Variants in DSCAM observed in about 807,000 individuals in gnomAD.
The protein encoded by DSCAM is DS cell adhesion molecule.
Under a neutral mutation model 217.7 loss-of-function variants are expected in DSCAM, and 47 were observed. The observed-to-expected ratio is 0.22, with a 90% CI of 0.17 to 0.28. The LOEUF (loss-of-function observed/expected upper bound fraction) is 0.28. DSCAM is among the 10% of genes least tolerant of loss of function. DSCAM has a pLI of 1.00. For synonymous variants in DSCAM, 1,056 were observed against 1,015.3 expected, an observed-to-expected ratio of 1.04 and a Z score of -0.76; for missense variants, 2,080 against 2,618.3, an observed-to-expected ratio of 0.79 and a Z score of 4.49.
In DSCAM at chr21:40,601,410, T is replaced by G. The variant is rs998225873; in HGVS notation, c.508+91400A>C. On this transcript the variant is annotated intron_variant, in intron 3 of 32. Coordinates refer to ENST00000400454, the MANE Select transcript of DSCAM (RefSeq NM_001389.5). ...TACTTATTAATTCCAGAAATTTTTT[T>G]GTTAACTGTTTCAGATTTTCAAATA... is the stretch of plus-strand genomic sequence containing the variant. Among the ~76,000 whole-genome samples the G allele has an allele frequency of 4.6e-5, 7 of 152,214 alleles. No homozygotes were observed. In the South Asian group the frequency reaches 1.4e-3, roughly 31 times the overall value.
At chr21:40,095,167 G>C (rs1056775458) in intron 20 of DSCAM, among the ~76,000 whole-genome samples, 1 of 152,212 alleles carries the variant, frequency 6.6e-6, no homozygotes, top group Non-Finnish European at 1.5e-5. Flanking sequence ...AGCAAAAGGG[G>C]TTCCCCCTTG....
intron 3 of DSCAM, among the ~76,000 whole-genome samples, chr21:40,664,468 G>A (rs2090177412): frequency 6.6e-6 from 1 of 152,174 alleles, no homozygotes; most frequent in African/African-American, 2.4e-5. Flanking sequence ...GAAAGAGGAG[G>A]CCCCTGCTCC....
chr21:40,316,401 T>C lies in DSCAM; in HGVS notation c.1784-4042A>G, dbSNP rs147346527. Among the ~76,000 whole-genome samples the C allele has an allele frequency of 9.2e-5, 14 of 152,328 alleles. No individual in the cohort carries two copies. In the South Asian group the frequency reaches 1.0e-3, roughly 11 times the overall value. Reference sequence around the variant, plus strand: ...GAGTTGCAAGTCTGCTGCATACAAATGCATAAAATTTTTAAAGCGTCTTAA... The same window carrying C: ...GAGTTGCAAGTCTGCTGCATACAAACGCATAAAATTTTTAAAGCGTCTTAA... On this transcript the variant is annotated intron_variant, in intron 8 of 32. Transcript: ENST00000400454.
chr21:40,420,749 G>A lies in DSCAM; in HGVS notation c.509-51504C>T, dbSNP rs537861977. Reference sequence around the variant, plus strand: ...ACAAACGGACATACAAGAATGCCATGTGACCCTGAAGGCAGATATCAGATG... The same window carrying A: ...ACAAACGGACATACAAGAATGCCATATGACCCTGAAGGCAGATATCAGATG... On this transcript the variant is annotated intron_variant, in intron 3 of 32. Coordinates refer to ENST00000400454, the MANE Select transcript of DSCAM (RefSeq NM_001389.5). Among the ~76,000 whole-genome samples, 4 of 152,304 alleles carry A rather than the reference G, an allele frequency of 2.6e-5. No homozygotes were observed. The South Asian group carries it at 8.3e-4, about 32-fold the overall frequency.
chr21:40,498,779 G>GTATATATATATA (rs777600814), intron 3 of DSCAM, among the ~76,000 whole-genome samples: 2 of 70,126 alleles, frequency 2.9e-5, no homozygotes, highest in Non-Finnish European at 5.7e-5. Flanking sequence ...ATATATGGGT[G>GTATATATATATA]TGTATATATA....
At chr21:40,491,132 ATTAAT>A (rs2076073140) in intron 3 of DSCAM, among the ~76,000 whole-genome samples, 1 of 152,206 alleles carries the variant, frequency 6.6e-6, no homozygotes, top group Non-Finnish European at 1.5e-5. Flanking sequence ...AGAGTCTAAA[ATTAAT>A]TTAATTACGA....
intron 16 of DSCAM, among the ~76,000 whole-genome samples, chr21:40,155,066 A>G (rs988093448): frequency 1.3e-5 from 2 of 152,220 alleles, no homozygotes; most frequent in East Asian, 1.9e-4. Context: ...CGCTTTATTC[A>G]TCCAGCCAAC....
chr21:40,256,251 C>T (rs1358669603), intron 11 of DSCAM, among the ~76,000 whole-genome samples: 1 of 152,070 alleles, frequency 6.6e-6, no homozygotes, highest in East Asian at 1.9e-4. Context: ...TGTCATTTTG[C>T]TGAGGGAGGT....
chr21:40,264,457 A>T (rs1473433685), intron 11 of DSCAM, among the ~76,000 whole-genome samples: 1 of 152,194 alleles, frequency 6.6e-6, no homozygotes, highest in Non-Finnish European at 1.5e-5. Flanking sequence ...AACAAAAACC[A>T]TATGATCATC....
intron 3 of DSCAM, among the ~76,000 whole-genome samples, chr21:40,619,058 TATAAA>T (rs1281039268): frequency 2.0e-5 from 3 of 151,988 alleles, no homozygotes; most frequent in Non-Finnish European, 2.9e-5. Flanking sequence ...AAAGCTCAAA[TATAAA>T]GATAAGCAAT....
intron 2 of DSCAM, among the ~76,000 whole-genome samples, chr21:40,706,153 C>T (rs984688526): frequency 2.8e-5 from 4 of 145,170 alleles, no homozygotes; most frequent in African/African-American, 1.0e-4. Context: ...GCACTCCAGC[C>T]TGGGAAACAG....
intron 11 of DSCAM, among the ~76,000 whole-genome samples, chr21:40,233,529 G>A (rs1346631824): frequency 6.6e-6 from 1 of 152,092 alleles, no homozygotes; most frequent in Non-Finnish European, 1.5e-5. Flanking sequence ...TATTGCACAA[G>A]TGGAAACACA....
At chr21:40,323,022 G>A (rs2074277243) in intron 8 of DSCAM, among the ~76,000 whole-genome samples, 1 of 152,082 alleles carries the variant, frequency 6.6e-6, no homozygotes, top group African/African-American at 2.4e-5. Context: ...AGCTGCAGAG[G>A]CCCACTTCAC....
At chr21:40,123,184 G>A (rs1344337576) in intron 20 of DSCAM, among the ~76,000 whole-genome samples, 2 of 152,098 alleles carry the variant, frequency 1.3e-5, no homozygotes, top group African/African-American at 2.4e-5. Flanking sequence ...ACAGAGTTTC[G>A]GTTTTGTAGA....
intron 3 of DSCAM, among the ~76,000 whole-genome samples, chr21:40,529,712 AG>A (rs1210020643): frequency 1.3e-5 from 2 of 152,218 alleles, no homozygotes; most frequent in Non-Finnish European, 2.9e-5. Context: ...TGAGTTTGGA[AG>A]AATGTACATA....
intron 3 of DSCAM, among the ~76,000 whole-genome samples, chr21:40,658,617 C>T (rs139352423): frequency 4.3e-4 from 66 of 152,264 alleles, no homozygotes; most frequent in African/African-American, 1.5e-3. Flanking sequence ...CATTTGCATA[C>T]GACTTACAAG....
chr21:40,712,788 C>T (rs1205568364), intron 1 of DSCAM, among the ~76,000 whole-genome samples: 1 of 151,590 alleles, frequency 6.6e-6, no homozygotes, highest in Non-Finnish European at 1.5e-5. Flanking sequence ...AGTTTAGGAA[C>T]TGACTGTATA....
At chr21:40,562,454 T>C (rs368068454) in intron 3 of DSCAM, among the ~76,000 whole-genome samples, 17 of 152,296 alleles carry the variant, frequency 1.1e-4, no homozygotes, top group African/African-American at 3.6e-4. Flanking sequence ...TCTCAGGCCG[T>C]TCTTCATAGC....
At chr21:40,568,307 A>T (rs2076780651) in intron 3 of DSCAM, among the ~76,000 whole-genome samples, 1 of 152,170 alleles carries the variant, frequency 6.6e-6, no homozygotes, top group Non-Finnish European at 1.5e-5. Flanking sequence ...TATGGTTCAA[A>T]TATATATATT....
Sources: gnomAD v4.1 joint callset for allele counts (sites outside exome capture counted in the v4.1 genomes callset) on GRCh38, gnomAD v4.1.1 for gene constraint, MANE v1.5 for transcripts, NCBI Gene and HGNC (gene_info 2026-07-23, HGNC 2026-07-21) for gene names.